H2AZ2: variants seen among roughly 807,000 people sequenced by gnomAD.
H2AZ2 encodes the protein H2A.Z variant histone 2.
Under a neutral mutation model 15.5 loss-of-function variants are expected in H2AZ2, and 5 were observed. The ratio of observed to expected loss-of-function variants is 0.32; its 90% confidence interval spans 0.17 to 0.68. The LOEUF (loss-of-function observed/expected upper bound fraction) is 0.68. Ranked by LOEUF, H2AZ2 falls within the 30% of genes least tolerant of loss-of-function variation. The pLI is 0.72. For missense variants in H2AZ2, 42 were observed against 162.5 expected, an observed-to-expected ratio of 0.26 and a Z score of 4.03; for synonymous variants, 44 against 57.4, an observed-to-expected ratio of 0.77 and a Z score of 1.05.
At chr7:44,848,093 C>T (rs1296908083), upstream of H2AZ2, 123 of 507,050 alleles carry the variant, frequency 2.4e-4, no homozygotes, top group East Asian at 5.1e-3. Context: ...CCCGTGCCCG[C>T]CTCGCGCTGC....
chr7:44,834,282 G>A lies in H2AZ2; in HGVS notation c.*219C>T, dbSNP rs1424262847. The A allele has an allele frequency of 2.4e-6, 3 of 1,275,506 alleles. No homozygotes were observed. In the African/African-American group the frequency reaches 4.5e-5, roughly 19 times the overall value. 79.0% of individuals were successfully genotyped at this position (1,275,506 alleles called of 1,614,324 possible). A position where few individuals can be genotyped will look rare whatever the true frequency, so the allele number is the denominator to read the frequency against. On this transcript the variant is annotated 3_prime_UTR_variant, in exon 5 of 5. Transcript: ENST00000308153. Reference sequence around the variant, plus strand: ...CCATTTTTGTATAAAACACACGGGAGAAACCTAGCCAATCAACACACAACT... The same window carrying A: ...CCATTTTTGTATAAAACACACGGGAAAAACCTAGCCAATCAACACACAACT...
At chr7:44,830,166 A>C, downstream of H2AZ2, 7 of 1,613,376 alleles carry the variant, frequency 4.3e-6, no homozygotes, top group Non-Finnish European at 5.9e-6. Flanking sequence ...TCTCTTCTCT[A>C]ACAAGAAATA....
At chr7:44,836,826 C>T (rs1435773752) in intron 3 of H2AZ2, among the ~76,000 whole-genome samples, 1 of 151,490 alleles carries the variant, frequency 6.6e-6, no homozygotes, top group Non-Finnish European at 1.5e-5. Flanking sequence ...GAAACCCTGT[C>T]TCTACTAAAA....
chr7:44,827,898 C>G (rs1321435488), downstream of H2AZ2: 1 of 152,170 alleles, frequency 6.6e-6, no homozygotes, highest in East Asian at 1.9e-4. Flanking sequence ...TCTGATTTCA[C>G]TAATTTTCAT....
At chr7:44,839,319 G>C (rs1191283616) in intron 3 of H2AZ2, among the ~76,000 whole-genome samples, 1 of 152,080 alleles carries the variant, frequency 6.6e-6, no homozygotes, top group Non-Finnish European at 1.5e-5. Context: ...AACTTGGGAG[G>C]ACCACTTGAG....
intron 3 of H2AZ2, 115 bp downstream of exon 3, chr7:44,840,784 A>T (rs1410429497): frequency 3.0e-6 from 2 of 669,730 alleles, no homozygotes; most frequent in African/African-American, 1.8e-5. Flanking sequence ...ACAAACAAAC[A>T]AAAAAGCCCC....
chr7:44,830,917 AGG>A (rs1221436960), downstream of H2AZ2, among the ~76,000 whole-genome samples: 11 of 152,226 alleles, frequency 7.2e-5, no homozygotes, highest in African/African-American at 2.7e-4. Context: ...GTTGCCTGGG[AGG>A]CTGAGGTTGC....
rs1282579256 is a variant in H2AZ2 at position 44,833,199 on chromosome 7, C to G, written c.*1302G>C. 1.3e-5 allele frequency among the ~76,000 whole-genome samples: 2 copies of G among 151,860 alleles called. No homozygotes were observed. Among genetic ancestry groups the G allele is most frequent in the African/African-American group, 4.8e-5 (2 of 41,338 alleles). On this transcript the variant is annotated 3_prime_UTR_variant, in exon 5 of 5. Coordinates refer to ENST00000308153, the MANE Select transcript of H2AZ2 (RefSeq NM_012412.5). ...AAGTAGTTGGGACAACATGTGTGTA[C>G]CATGCCTGGCTAATTTCTGTATTTT...
downstream of H2AZ2, chr7:44,829,528 G>A (rs1377052402): frequency 1.3e-5 from 2 of 152,050 alleles, no homozygotes; most frequent in African/African-American, 4.8e-5. Flanking sequence ...TGGAACCCGG[G>A]AGGGAGGGTT....
chr7:44,848,075 G>A lies in H2AZ2; in HGVS notation c.-104C>T, dbSNP rs899278977. The A allele has an allele frequency of 1.4e-5, 9 of 635,968 alleles. No homozygotes were observed. The highest frequency in any genetic ancestry group is 5.8e-5 in the African/African-American group (3 of 51,792). 39.4% of individuals were successfully genotyped at this position (635,968 alleles called of 1,614,324 possible). On this transcript the variant is annotated 5_prime_UTR_variant, in exon 1 of 5. Coordinates refer to ENST00000308153, the MANE Select transcript of H2AZ2 (RefSeq NM_012412.5). ...GCACCGACCGCCGCCGCCGGAGCCG[G>A]ACAATACCCCGTGCCCGCCTCGCGC... is the stretch of plus-strand genomic sequence containing the variant.
intron 2 of H2AZ2, 49 bp from the exon 3 acceptor site, chr7:44,841,061 C>A: frequency 7.5e-7 from 1 of 1,326,882 alleles, no homozygotes. Context: ...CTTAACATTG[C>A]ACTGACTGTA....
chr7:44,843,697 T>A (rs992208747), intron 1 of H2AZ2, among the ~76,000 whole-genome samples: 2 of 152,164 alleles, frequency 1.3e-5, no homozygotes, highest in Non-Finnish European at 2.9e-5. Context: ...TAGCTGAGAT[T>A]ACAGGCGCAC....
At chr7:44,829,437 C>T (rs1792970210), downstream of H2AZ2, 1 of 152,092 alleles carries the variant, frequency 6.6e-6, no homozygotes. Flanking sequence ...CCCACGTCTA[C>T]TAAAAATACA....
At chr7:44,837,418 CAAAAAAAAAAAAAAGAAA>C (rs1451538170) in intron 3 of H2AZ2, among the ~76,000 whole-genome samples, 1 of 38,514 alleles carries the variant, frequency 2.6e-5, no homozygotes, top group Non-Finnish European at 4.4e-5. Flanking sequence ...GCAAGACTCT[CAAAAAAAAAAAAAAGAAA>C]AAAAAAAAAA....
chr7:44,843,168 AAAAAAAAGTC>A, intron 2 of H2AZ2, 99 bp downstream of exon 2: 1 of 308,078 alleles, frequency 3.2e-6, no homozygotes, highest in East Asian at 4.9e-5. Context: ...AAAAAAAAAA[AAAAAAAAGTC>A]TGTAGTAATA....
intron 2 of H2AZ2, among the ~76,000 whole-genome samples, chr7:44,842,133 G>GT (rs1235999079): frequency 6.6e-6 from 1 of 151,942 alleles, no homozygotes; most frequent in Non-Finnish European, 1.5e-5. Flanking sequence ...CTTTTCCTTT[G>GT]TATCCTTAGT....
intron 1 of H2AZ2, among the ~76,000 whole-genome samples, chr7:44,846,630 C>A (rs1164251099): frequency 4.3e-5 from 6 of 141,146 alleles, no homozygotes; most frequent in East Asian, 2.0e-4. Context: ...CCACAAAAAA[C>A]CACAAAAAAC....
chr7:44,834,107 A>G lies in H2AZ2; in HGVS notation c.*394T>C. ...AATATACCATGGTATCAATCATTGT[A>G]AAGATATATTCCCAATTTCTGTTCT... is the stretch of plus-strand genomic sequence containing the variant. On this transcript the variant is annotated 3_prime_UTR_variant, in exon 5 of 5. Transcript: ENST00000308153. 1.1e-6 allele frequency: 1 copy of G among 904,742 alleles called. No homozygotes were observed. The highest frequency in any genetic ancestry group is 1.3e-6 in the Non-Finnish European group (1 of 752,890). The allele number at this position is 904,742 out of a possible 1,614,324, so 56.0% of individuals were successfully genotyped here. A position where few individuals can be genotyped will look rare whatever the true frequency, so the allele number is the denominator to read the frequency against.
At chr7:44,835,496 A>C (rs757293908) in intron 4 of H2AZ2, 33 bp downstream of exon 4, 1 of 1,592,386 alleles carries the variant, frequency 6.3e-7, no homozygotes, top group Non-Finnish European at 8.6e-7. Flanking sequence ...CAGAAAGACC[A>C]ATAAGAATCA....
Sources: allele counts gnomAD v4.1 joint callset (sites outside exome capture counted in the v4.1 genomes callset), GRCh38; gene constraint gnomAD v4.1.1; transcripts MANE v1.5; gene names NCBI Gene and HGNC (gene_info 2026-07-23, HGNC 2026-07-21).